Variants in PARD3B observed in about 807,000 individuals in gnomAD.
The protein encoded by PARD3B is par-3 family cell polarity regulator beta.
PARD3B carries 103 observed loss-of-function variants against 130.2 expected under a neutral mutation model. The observed-to-expected ratio is 0.79, with a 90% confidence interval of 0.67 to 0.93. The LOEUF is 0.93. Ranked by LOEUF, PARD3B falls within the 40% of genes least tolerant of loss-of-function variation. The pLI is 0.00. For synonymous variants in PARD3B, 583 were observed against 553.2 expected (o/e 1.05, Z -0.76); for missense variants, 1,609 against 1,499.2 (o/e 1.07, Z -1.21).
rs1194848561 is a variant in PARD3B, at chr2:204,582,332, C to G, written c.120+36213C>G. On this transcript the variant is annotated intron_variant, in intron 1 of 22. Transcript: ENST00000406610. ...TGATCTGTCAGTTTGTGTGTGTGCACAGCTGGAAAAGTGTGTTTTCCATGT... is the reference window on the plus strand; with the variant it reads ...TGATCTGTCAGTTTGTGTGTGTGCAGAGCTGGAAAAGTGTGTTTTCCATGT... 2.0e-5 allele frequency among the ~76,000 whole-genome samples: 3 copies of G among 152,272 alleles called. No homozygotes were observed. In the East Asian group the frequency reaches 5.8e-4, roughly 29 times the overall value.
Position 205,616,082 on chromosome 2 carries a change from T to G in PARD3B, c.*269T>G. Reference sequence around the variant, plus strand: ...TGAAACGCTTTCAGAGTTGTTCAAATCAGTGAGAGTGGCAACGGAACACAC... The same window carrying G: ...TGAAACGCTTTCAGAGTTGTTCAAAGCAGTGAGAGTGGCAACGGAACACAC... On this transcript the variant is annotated 3_prime_UTR_variant, in exon 23 of 23. Transcript: ENST00000406610. 1 of 442,724 alleles carries G rather than the reference T, an allele frequency of 2.3e-6. No individual in the cohort carries two copies. The highest frequency in any genetic ancestry group is 4.0e-6 in the Non-Finnish European group (1 of 250,386). 27.4% of individuals were successfully genotyped at this position (442,724 alleles called of 1,614,324 possible).
chr2:205,437,597 T>G (rs963016020), intron 19 of PARD3B, among the ~76,000 whole-genome samples: 3 of 152,136 alleles, frequency 2.0e-5, no homozygotes, highest in Admixed American at 2.0e-4. Flanking sequence ...AAATTTAATT[T>G]TATAGGGCCA....
intron 2 of PARD3B, among the ~76,000 whole-genome samples, chr2:204,854,451 T>C (rs145200725): frequency 3.2e-4 from 49 of 152,214 alleles, no homozygotes; most frequent in African/African-American, 1.2e-3. Flanking sequence ...CAAGGCAGTA[T>C]GGATAATCTG....
In PARD3B at chr2:205,144,146, G is replaced by A. The variant is rs187370046; in HGVS notation, c.1435-14576G>A. On this transcript the variant is annotated intron_variant, in intron 10 of 22. Transcript: ENST00000406610. ...CCAATAAGATGTTAGCAGATATCAC[G>A]TGAGCAAATTCTTGAAAGGTTATTT... 1.2e-4 allele frequency among the ~76,000 whole-genome samples: 19 copies of A among 152,312 alleles called. No homozygotes were observed. The East Asian group carries it at 2.5e-3, about 20-fold the overall frequency.
chr2:205,504,357 C>T (rs2050269179), intron 21 of PARD3B, among the ~76,000 whole-genome samples: 1 of 152,048 alleles, frequency 6.6e-6, no homozygotes, highest in Non-Finnish European at 1.5e-5. Context: ...TCTAAAACAC[C>T]AAAAGCAATG....
In PARD3B at chr2:205,343,448, G is replaced by C. The variant is rs139766534; in HGVS notation, c.2630+41747G>C. Among the ~76,000 whole-genome samples the C allele has an allele frequency of 6.2e-3, 937 of 152,296 alleles. 6 individuals carry two copies. The highest frequency in any genetic ancestry group is 0.011 in the Non-Finnish European group (770 of 68,024). On this transcript the variant is annotated intron_variant, in intron 18 of 22. Coordinates refer to ENST00000406610, the MANE Select transcript of PARD3B (RefSeq NM_001302769.2). ...TTTTCACCAATTTGCCTTCAGACAT[G>C]CTTTGCTATCATTGCTTCAAACACG...
intron 21 of PARD3B, among the ~76,000 whole-genome samples, chr2:205,511,126 T>G (rs1037041674): frequency 1.4e-5 from 1 of 69,358 alleles, no homozygotes; most frequent in Non-Finnish European, 3.2e-5. Context: ...TTTGTTGAAC[T>G]ACTCTTGAAT....
intron 10 of PARD3B, among the ~76,000 whole-genome samples, chr2:205,156,262 T>C (rs1399308824): frequency 1.9e-3 from 2 of 1,058 alleles, no homozygotes; most frequent in African/African-American, 7.0e-3. Flanking sequence ...GGGACTGTTG[T>C]GGGGTGGGCG....
rs936352924 is a variant in PARD3B, at chr2:205,618,524, T to C, written c.*2711T>C. The C allele has an allele frequency of 6.6e-6, 1 of 152,184 alleles. No individual in the cohort carries two copies. Among genetic ancestry groups the C allele is most frequent in the South Asian group, 2.1e-4 (1 of 4,832 alleles). 9.4% of individuals were successfully genotyped at this position (152,184 alleles called of 1,614,324 possible). A position where few individuals can be genotyped will look rare whatever the true frequency, so the allele number is the denominator to read the frequency against. ...ACTCAATCCGGTGTCTCCTTGTAGCTCAGAACACTAATAGCCCCCCTGGAA... is the reference window on the plus strand; with the variant it reads ...ACTCAATCCGGTGTCTCCTTGTAGCCCAGAACACTAATAGCCCCCCTGGAA... On this transcript the variant is annotated 3_prime_UTR_variant, in exon 23 of 23. Coordinates refer to ENST00000406610, the MANE Select transcript of PARD3B (RefSeq NM_001302769.2).
At chr2:205,569,891 C>T (rs1022756979) in intron 22 of PARD3B, among the ~76,000 whole-genome samples, 4 of 152,078 alleles carry the variant, frequency 2.6e-5, no homozygotes, top group African/African-American at 9.7e-5. Flanking sequence ...AAGCCTCTGC[C>T]GTGTTAGCAA....
chr2:205,496,360 T>C (rs1476010426), intron 20 of PARD3B, among the ~76,000 whole-genome samples: 1 of 152,162 alleles, frequency 6.6e-6, no homozygotes, highest in African/African-American at 2.4e-5. Context: ...TTAGGAAAAG[T>C]CTGATACCAT....
intron 4 of PARD3B, among the ~76,000 whole-genome samples, chr2:205,068,076 T>C (rs1311261120): frequency 6.6e-6 from 1 of 152,194 alleles, no homozygotes. Flanking sequence ...TTTCTCCCAT[T>C]ATCTGAAGCA....
intron 22 of PARD3B, among the ~76,000 whole-genome samples, chr2:205,601,334 C>G (rs562283558): frequency 2.6e-5 from 4 of 152,274 alleles, no homozygotes; most frequent in African/African-American, 9.6e-5. Context: ...GTCCTTCCCC[C>G]ACTTTTTAAT....
chr2:205,501,619 G>A (rs1038031389), intron 21 of PARD3B, among the ~76,000 whole-genome samples: 1 of 152,164 alleles, frequency 6.6e-6, no homozygotes, highest in African/African-American at 2.4e-5. Flanking sequence ...CGTGTCCAGC[G>A]CATTGAAAAG....
At chr2:204,925,810 C>A (rs1427109148) in intron 2 of PARD3B, among the ~76,000 whole-genome samples, 1 of 152,014 alleles carries the variant, frequency 6.6e-6, no homozygotes, top group African/African-American at 2.4e-5. Flanking sequence ...GGGAGGAACC[C>A]AGTGGATGGT....
chr2:205,551,497 G>A (rs1188346987), intron 21 of PARD3B, among the ~76,000 whole-genome samples: 5 of 151,918 alleles, frequency 3.3e-5, no homozygotes, highest in South Asian at 2.1e-4. Flanking sequence ...TGAAGTCTTC[G>A]TCCCTACCTA....
chr2:205,599,865 A>C (rs1221008755), intron 22 of PARD3B, among the ~76,000 whole-genome samples: 2 of 152,172 alleles, frequency 1.3e-5, no homozygotes, highest in African/African-American at 2.4e-5. Flanking sequence ...TTTTACCTAC[A>C]TGGTAACTTT....
At chr2:204,750,639 CACAT>C (rs1252936174) in intron 2 of PARD3B, among the ~76,000 whole-genome samples, 6 of 151,420 alleles carry the variant, frequency 4.0e-5, no homozygotes, top group African/African-American at 9.7e-5. Context: ...CATACACACA[CACAT>C]ACATACATAC....
rs1318295836 is a variant in PARD3B at position 205,615,707 on chromosome 2, C to T, written c.3512C>T (p.Ala1171Val). The change falls in exon 23 of 23, where the codon GCC (alanine) becomes GTC (valine). Residue 1171 changes from alanine (A) to valine (V), a missense_variant. Physicochemically the swap from Ala to Val is moderately conservative, Grantham distance 64. Coordinates refer to ENST00000406610, the MANE Select transcript of PARD3B (RefSeq NM_001302769.2). ...PSPPQHQRMP[A>V]YQETGRPGPR... ...CCTCCCCAGCACCAAAGAATGCCAG[C>T]CTATCAGGAAACAGGCAGACCAGGG... is the stretch of plus-strand genomic sequence containing the variant. 1 of 1,614,124 alleles carries T rather than the reference C, an allele frequency of 6.2e-7. No homozygotes were observed. Among genetic ancestry groups the T allele is most frequent in the East Asian group, 2.2e-5 (1 of 44,856 alleles).
Sources: allele counts gnomAD v4.1 joint callset (sites outside exome capture counted in the v4.1 genomes callset), GRCh38; gene constraint gnomAD v4.1.1; transcripts MANE v1.5; gene names NCBI Gene and HGNC (gene_info 2026-07-23, HGNC 2026-07-21).